KCND3: variants seen among roughly 807,000 people sequenced by gnomAD.
KCND3 encodes A-type voltage-gated potassium channel KCND3.
In KCND3, 9 loss-of-function variants were observed where a neutral mutation model predicts 51.1. The ratio of observed to expected loss-of-function variants is 0.18; its 90% confidence interval spans 0.11 to 0.31. KCND3 has a LOEUF of 0.31. KCND3 is among the 10% of genes least tolerant of loss of function. The pLI, the probability that KCND3 is intolerant of heterozygous loss-of-function variation, is 1.00. For missense variants in KCND3, 526 were observed against 903.8 expected, an observed-to-expected ratio of 0.58 and a Z score of 5.36; for synonymous variants, 349 against 368.0, an observed-to-expected ratio of 0.95 and a Z score of 0.59.
Position 111,830,517 on chromosome 1 carries a change from C to T in KCND3, c.1107-43411G>A, listed in dbSNP as rs531096739. The stretch of plus-strand genomic sequence containing the variant: ...CCCTTGAGTGCAAAATTTAAGGAGG[C>T]CCTCACTCTCAGGGACAACCCTACC... On this transcript the variant is annotated intron_variant, in intron 2 of 7. Transcript: ENST00000302127. Among the ~76,000 whole-genome samples, 393 of 152,310 alleles carry T rather than the reference C, an allele frequency of 2.6e-3. 4 individuals are homozygous for T. Among genetic ancestry groups the T allele is most frequent in the African/African-American group, 9.2e-3 (383 of 41,574 alleles).
intron 2 of KCND3, among the ~76,000 whole-genome samples, chr1:111,960,582 G>A (rs1026833555): frequency 6.6e-6 from 1 of 152,170 alleles, no homozygotes; most frequent in African/African-American, 2.4e-5. Context: ...AAAGTGGCCA[G>A]GTACAAAAAA....
intron 2 of KCND3, among the ~76,000 whole-genome samples, chr1:111,836,206 C>A (rs1456834347): frequency 6.6e-6 from 1 of 152,194 alleles, no homozygotes; most frequent in Non-Finnish European, 1.5e-5. Flanking sequence ...TCCTGAAGAA[C>A]CAAGTCATGG....
intron 2 of KCND3, among the ~76,000 whole-genome samples, chr1:111,897,396 TC>T (rs75797536): frequency 0.24 from 35,835 of 152,218 alleles, 4,505 homozygotes; most frequent in East Asian, 0.38. Context: ...GTCCCAGATG[TC>T]CTTTCAGACA....
At chr1:111,814,807 C>G (rs692900) in intron 2 of KCND3, among the ~76,000 whole-genome samples, 1 of 152,170 alleles carries the variant, frequency 6.6e-6, no homozygotes, top group Non-Finnish European at 1.5e-5. Flanking sequence ...GATCCCATCC[C>G]GACGGCTATC....
intron 2 of KCND3, among the ~76,000 whole-genome samples, chr1:111,801,347 GAA>G (rs1480430086): frequency 6.6e-6 from 1 of 152,246 alleles, no homozygotes; most frequent in Non-Finnish European, 1.5e-5. Context: ...TAGAGGTGGT[GAA>G]GCGTCAAAGT....
chr1:111,901,210 C>T (rs955856220), intron 2 of KCND3, among the ~76,000 whole-genome samples: 1 of 144,718 alleles, frequency 6.9e-6, no homozygotes, highest in Non-Finnish European at 1.5e-5. Context: ...CCCAAAGAAT[C>T]TAGCAGCTGC....
intron 2 of KCND3, among the ~76,000 whole-genome samples, chr1:111,900,949 C>T (rs1269760041): frequency 1.3e-5 from 2 of 152,070 alleles, no homozygotes; most frequent in Non-Finnish European, 2.9e-5. Context: ...AAGAGTGAAA[C>T]TCCATCTAAA....
At chr1:111,821,899 G>A (rs539771871) in intron 2 of KCND3, among the ~76,000 whole-genome samples, 61 of 152,126 alleles carry the variant, frequency 4.0e-4, no homozygotes, top group Non-Finnish European at 6.5e-4. Context: ...AAGATGCGGG[G>A]TTCATCTCCT....
chr1:111,871,785 T>A (rs946626653), intron 2 of KCND3, among the ~76,000 whole-genome samples: 3 of 151,476 alleles, frequency 2.0e-5, no homozygotes, highest in African/African-American at 7.3e-5. Flanking sequence ...ATTTATAAGG[T>A]GGAGGAAAGG....
intron 2 of KCND3, among the ~76,000 whole-genome samples, chr1:111,810,864 G>A (rs1665816202): frequency 6.6e-6 from 1 of 152,278 alleles, no homozygotes; most frequent in Non-Finnish European, 1.5e-5. Flanking sequence ...TCTCCCTGGG[G>A]TCCAACAAAT....
At chr1:111,866,263 C>CTTTTTTTTTTTTTT (rs11399761) in intron 2 of KCND3, among the ~76,000 whole-genome samples, 6 of 54,222 alleles carry the variant, frequency 1.1e-4, no homozygotes, top group Non-Finnish European at 3.2e-4. Context: ...CTTTTCTTTT[C>CTTTTTTTTTTTTTT]TTTTTTTTTT....
intron 2 of KCND3, among the ~76,000 whole-genome samples, chr1:111,975,682 T>C (rs910712036): frequency 6.6e-6 from 1 of 152,184 alleles, no homozygotes; most frequent in African/African-American, 2.4e-5. Context: ...GTCCTTGTGG[T>C]GGTCATGAGG....
intron 2 of KCND3, among the ~76,000 whole-genome samples, chr1:111,963,766 AC>A (rs1557751259): frequency 6.6e-6 from 1 of 152,232 alleles, no homozygotes; most frequent in Non-Finnish European, 1.5e-5. Context: ...ATTGCTAGAC[AC>A]AAAGAAGGTA....
intron 2 of KCND3, among the ~76,000 whole-genome samples, chr1:111,793,764 G>A (rs909970009): frequency 2.0e-5 from 3 of 152,084 alleles, no homozygotes; most frequent in African/African-American, 7.2e-5. Flanking sequence ...GGCATTTATG[G>A]CCTATTTTCT....
At chr1:111,925,004 A>G (rs1276356638) in intron 2 of KCND3, among the ~76,000 whole-genome samples, 1 of 152,148 alleles carries the variant, frequency 6.6e-6, no homozygotes, top group East Asian at 1.9e-4. Context: ...GGGCAACCCG[A>G]CCTATCCAGG....
At position 111,778,450 on chromosome 1, in the gene KCND3, TTCGTACAGATAACAGGGGA is replaced by T. The variant is rs1237993675; in HGVS notation, c.1485_1503del (p.Asp495GlufsTer95). 2 of 1,613,566 alleles carry T rather than the reference TTCGTACAGATAACAGGGGA, an allele frequency of 1.2e-6. No homozygotes were observed. The highest frequency in any genetic ancestry group is 2.7e-5 in the African/African-American group (2 of 74,782). The stretch of plus-strand genomic sequence containing the variant: ...AAAAGTTATACCTTGATGGTGGAGG[TTCGTACAGATAACAGGGGA>T]TCATCCACAAGATAGGACAACCCCT... On this transcript the variant is annotated frameshift_variant, in exon 6 of 8. Transcript: ENST00000302127. LOFTEE classifies it high-confidence loss of function.
chr1:111,910,146 C>T (rs1295879450), intron 2 of KCND3: 2 of 152,232 alleles, frequency 1.3e-5, no homozygotes, highest in South Asian at 2.1e-4. Flanking sequence ...ATTGCCTCCC[C>T]CTCAGAGGAC....
intron 2 of KCND3, among the ~76,000 whole-genome samples, chr1:111,951,891 G>A (rs1337736789): frequency 6.6e-6 from 1 of 152,182 alleles, no homozygotes; most frequent in Non-Finnish European, 1.5e-5. Flanking sequence ...CAACAGCAGA[G>A]GGTCTAAGAA....
chr1:111,917,651 T>G (rs184138948), intron 2 of KCND3, among the ~76,000 whole-genome samples: 10 of 152,316 alleles, frequency 6.6e-5, no homozygotes, highest in Admixed American at 2.0e-4. Flanking sequence ...CAAAGGCCAT[T>G]AGGACTCCAA....
Sources: gnomAD v4.1 joint callset for allele counts (sites outside exome capture counted in the v4.1 genomes callset) on GRCh38, gnomAD v4.1.1 for gene constraint, MANE v1.5 for transcripts, NCBI Gene and HGNC (gene_info 2026-07-23, HGNC 2026-07-21) for gene names.